Variants in SUPT3H observed in about 807,000 individuals in gnomAD.
SUPT3H encodes the protein transcription initiation protein SPT3 homolog.
Under a neutral mutation model 44.3 loss-of-function variants are expected in SUPT3H, and 44 were observed. The observed-to-expected ratio is 0.99, with a 90% CI of 0.78 to 1.28. The LOEUF is 1.28. Ranked by LOEUF, SUPT3H falls within the 50% of genes most tolerant of loss-of-function variation. SUPT3H has a pLI of 0.00. For synonymous variants in SUPT3H, 124 were observed against 125.6 expected (o/e 0.99, Z 0.09); for missense variants, 380 against 387.1 (o/e 0.98, Z 0.15).
chr6:45,116,365 T>G (rs1318368554), intron 2 of SUPT3H, among the ~76,000 whole-genome samples: 1 of 152,168 alleles, frequency 6.6e-6, no homozygotes, highest in Non-Finnish European at 1.5e-5. Context: ...TCTCTCTCTC[T>G]TAAAAATTAT....
chr6:45,180,078 C>A (rs2153612624), intron 2 of SUPT3H, among the ~76,000 whole-genome samples: 2 of 148,014 alleles, frequency 1.4e-5, no homozygotes, highest in South Asian at 4.5e-4. Context: ...CAATAACAGA[C>A]AAACAGAGAG....
At chr6:45,057,633 G>GT (rs1376389026) in intron 3 of SUPT3H, among the ~76,000 whole-genome samples, 3 of 152,134 alleles carry the variant, frequency 2.0e-5, no homozygotes, top group African/African-American at 7.2e-5. Flanking sequence ...GTAACTCATA[G>GT]TTTTTCAGTA....
At chr6:45,208,104 C>T (rs1362279738) in intron 2 of SUPT3H, among the ~76,000 whole-genome samples, 3 of 152,110 alleles carry the variant, frequency 2.0e-5, no homozygotes, top group Non-Finnish European at 4.4e-5. Flanking sequence ...CCAGTGAATA[C>T]AAGAATAAGA....
At chr6:45,231,938 ATTC>A (rs1208258036) in intron 2 of SUPT3H, among the ~76,000 whole-genome samples, 1 of 152,160 alleles carries the variant, frequency 6.6e-6, no homozygotes, top group East Asian at 1.9e-4. Context: ...TTGCTATTTG[ATTC>A]TTATTTATGA....
At chr6:45,056,164 CA>C (rs927225721) in intron 3 of SUPT3H, among the ~76,000 whole-genome samples, 12 of 151,960 alleles carry the variant, frequency 7.9e-5, no homozygotes, top group African/African-American at 2.9e-4. Context: ...TGGCCATAAT[CA>C]AAAAATCAAA....
intron 2 of SUPT3H, among the ~76,000 whole-genome samples, chr6:45,285,325 A>G (rs563056671): frequency 5.9e-5 from 9 of 152,190 alleles, no homozygotes; most frequent in Non-Finnish European, 1.2e-4. Context: ...AGATGACATG[A>G]TTGTATATCT....
rs562073440 is a variant in SUPT3H, at chr6:44,926,839, TG to T, written c.912+5813del. Among the ~76,000 whole-genome samples, 331 of 152,288 alleles carry T rather than the reference TG, an allele frequency of 2.2e-3. 1 individual carries two copies. Among genetic ancestry groups the T allele is most frequent in the African/African-American group, 7.6e-3 (317 of 41,580 alleles). ...CTATAGTTGCTACTTTATTTTTGCC[TG>T]GAAAATGACAAAAATAAAACTGATA... On this transcript the variant is annotated intron_variant, in intron 10 of 10. Coordinates refer to ENST00000371459, the MANE Select transcript of SUPT3H (RefSeq NM_003599.4).
intron 2 of SUPT3H, among the ~76,000 whole-genome samples, chr6:45,203,457 T>C (rs1683572839): frequency 6.6e-6 from 1 of 152,168 alleles, no homozygotes; most frequent in Non-Finnish European, 1.5e-5. Flanking sequence ...ATCTGAACTA[T>C]TTTTGTAAAC....
At chr6:45,106,926 C>A (rs1432054718) in intron 2 of SUPT3H, among the ~76,000 whole-genome samples, 1 of 152,106 alleles carries the variant, frequency 6.6e-6, no homozygotes, top group Non-Finnish European at 1.5e-5. Context: ...AATCATGTAA[C>A]CACATCCCAA....
chr6:45,025,905 C>A (rs1785926854), intron 3 of SUPT3H, among the ~76,000 whole-genome samples: 3 of 149,672 alleles, frequency 2.0e-5, no homozygotes, highest in Admixed American at 1.3e-4. Flanking sequence ...AAAAAATGTA[C>A]AACAGAATTA....
chr6:45,031,643 TC>T (rs1371781835), intron 3 of SUPT3H, among the ~76,000 whole-genome samples: 9 of 152,198 alleles, frequency 5.9e-5, no homozygotes, highest in Non-Finnish European at 1.3e-4. Flanking sequence ...TCAAATAAGC[TC>T]CAAAGATCCT....
chr6:45,177,373 A>C (rs1812153042), intron 2 of SUPT3H, among the ~76,000 whole-genome samples: 1 of 152,194 alleles, frequency 6.6e-6, no homozygotes, highest in Non-Finnish European at 1.5e-5. Flanking sequence ...TAGAGAAAAA[A>C]GAATAAAAAG....
rs373685404 is a variant in SUPT3H, at chr6:45,219,320, A to G, written c.102-113314T>C. 6.3e-4 allele frequency among the ~76,000 whole-genome samples: 96 copies of G among 152,224 alleles called. 2 individuals are homozygous for G. The South Asian group carries it at 0.019, about 31-fold the overall frequency. On this transcript the variant is annotated intron_variant, in intron 2 of 10. Coordinates refer to ENST00000371459, the MANE Select transcript of SUPT3H (RefSeq NM_003599.4). ...ACTGGTTCTTTGAAAACAGATGAAT[A>G]AAATAGATAAACCTACAGGAAGAAT...
chr6:45,302,566 A>T (rs1782327682), intron 2 of SUPT3H, among the ~76,000 whole-genome samples: 1 of 126,146 alleles, frequency 7.9e-6, no homozygotes, highest in Non-Finnish European at 1.7e-5. Context: ...TGCATGCCAC[A>T]ATTTATTTAT....
At chr6:44,951,331 C>T (rs1774280921) in intron 9 of SUPT3H, among the ~76,000 whole-genome samples, 1 of 150,178 alleles carries the variant, frequency 6.7e-6, no homozygotes, top group Admixed American at 6.7e-5. Context: ...CAATTATTTG[C>T]TTATTTGTTT....
chr6:45,353,059 C>T, intron 2 of SUPT3H, among the ~76,000 whole-genome samples: 1 of 151,940 alleles, frequency 6.6e-6, no homozygotes, highest in East Asian at 1.9e-4. Flanking sequence ...TCTAATAGTA[C>T]AGTAGTTAAC....
At chr6:45,245,986 C>T (rs554768670) in intron 2 of SUPT3H, among the ~76,000 whole-genome samples, 2 of 152,106 alleles carry the variant, frequency 1.3e-5, no homozygotes, top group African/African-American at 4.8e-5. Context: ...GAAATGGTAA[C>T]TCATTGTGGT....
chr6:45,277,464 G>A (rs528942250), intron 2 of SUPT3H, among the ~76,000 whole-genome samples: 1 of 152,220 alleles, frequency 6.6e-6, no homozygotes, highest in East Asian at 1.9e-4. Context: ...CAATCAGTGG[G>A]ATGGATACAA....
intron 3 of SUPT3H, among the ~76,000 whole-genome samples, chr6:45,040,341 T>C (rs1382325471): frequency 6.6e-6 from 1 of 152,184 alleles, no homozygotes; most frequent in Non-Finnish European, 1.5e-5. Flanking sequence ...AAAAATGCTA[T>C]ACTATAATGT....
Sources: allele counts gnomAD v4.1 joint callset (sites outside exome capture counted in the v4.1 genomes callset), GRCh38; gene constraint gnomAD v4.1.1; transcripts MANE v1.5; gene names NCBI Gene and HGNC (gene_info 2026-07-23, HGNC 2026-07-21).